SLC27A2: variants seen among roughly 807,000 people sequenced by gnomAD.
SLC27A2 encodes the protein solute carrier family 27 member 2.
SLC27A2 carries 54 observed loss-of-function variants against 60.0 expected under a neutral mutation model. The observed-to-expected ratio is 0.90, with a 90% CI of 0.72 to 1.13. The LOEUF is 1.13. Among genes scored for constraint, SLC27A2 ranks in the 50% most tolerant of loss-of-function variants. The probability of loss-of-function intolerance (pLI) is 0.00; values close to 1 mark genes in which losing one functional copy is unlikely to be tolerated. For missense variants in SLC27A2, 739 were observed against 777.6 expected (o/e 0.95, Z 0.59); for synonymous variants, 297 against 297.6 (o/e 1.00, Z 0.02).
intron 3 of SLC27A2, among the ~76,000 whole-genome samples, chr15:50,204,876 A>T (rs909081298): frequency 6.7e-6 from 1 of 148,234 alleles, no homozygotes; most frequent in African/African-American, 2.5e-5. Flanking sequence ...TATACTTGAG[A>T]CAGAGTCTCA....
chr15:50,214,805 G>A (rs1567433997), intron 4 of SLC27A2, among the ~76,000 whole-genome samples: 1 of 151,972 alleles, frequency 6.6e-6, no homozygotes, highest in Non-Finnish European at 1.5e-5. Context: ...GGCATACAAG[G>A]GACATACCTT....
At chr15:50,209,742 C>A (rs1322749269) in intron 4 of SLC27A2, among the ~76,000 whole-genome samples, 1 of 152,102 alleles carries the variant, frequency 6.6e-6, no homozygotes, top group Non-Finnish European at 1.5e-5. Flanking sequence ...GGAGCCTTGT[C>A]CAGGCAGAAG....
intron 1 of SLC27A2, among the ~76,000 whole-genome samples, chr15:50,193,644 C>T (rs1421848948): frequency 2.0e-5 from 3 of 152,184 alleles, no homozygotes; most frequent in Non-Finnish European, 4.4e-5. Context: ...TTTCATCTTA[C>T]ATTATGTTTC....
chr15:50,234,008 CTTA>C lies in SLC27A2; in HGVS notation c.1686+15_1686+17del, dbSNP rs763341776. 1.1e-5 allele frequency: 18 copies of C among 1,598,292 alleles called. No homozygotes were observed. The highest frequency in any genetic ancestry group is 1.7e-5 in the Admixed American group (1 of 57,436). On this transcript the variant is annotated intron_variant, in intron 9 of 9. Transcript: ENST00000267842. ...GTTTCTAAGAATACAGGTGAGATCTCTTATTATCCAGTTCAATGATCTGTCCTC... is the reference window on the plus strand; with the variant it reads ...GTTTCTAAGAATACAGGTGAGATCTCTTATCCAGTTCAATGATCTGTCCTC...
chr15:50,226,834 T>C, intron 6 of SLC27A2, 146 bp from the exon 7 acceptor site: 1 of 624,262 alleles, frequency 1.6e-6, no homozygotes, highest in Non-Finnish European at 2.8e-6. Flanking sequence ...TATGTACATA[T>C]AATTCACAGG....
rs577766814 is a variant in SLC27A2, at chr15:50,183,994, C to CTTTTTTTTTTTTTTTTTTT, written c.478+1107_478+1108insTTTTTTTTTTTTTTTTTTT. 7.7e-4 allele frequency among the ~76,000 whole-genome samples: 70 copies of CTTTTTTTTTTTTTTTTTTT among 91,168 alleles called. 6 individuals carry two copies. Among genetic ancestry groups the CTTTTTTTTTTTTTTTTTTT allele is most frequent in the Non-Finnish European group, 1.1e-3 (51 of 47,466 alleles). The allele number at this position is 91,168 out of a possible 152,430, so 59.8% of individuals were successfully genotyped here. On this transcript the variant is annotated intron_variant, in intron 1 of 9. Transcript: ENST00000267842. Reference sequence around the variant, plus strand: ...TTCGAAGCCATGCTCTTTCCTACATCTTTTTTTTTTTTTTTTTTGACAGTC... The same window carrying CTTTTTTTTTTTTTTTTTTT: ...TTCGAAGCCATGCTCTTTCCTACATCTTTTTTTTTTTTTTTTTTTTTTTTTTTTTTTTTTTTTGACAGTC...
At chr15:50,209,855 T>G (rs1018596654) in intron 4 of SLC27A2, among the ~76,000 whole-genome samples, 1 of 152,072 alleles carries the variant, frequency 6.6e-6, no homozygotes, top group Admixed American at 6.6e-5. Flanking sequence ...AACAAGGCGA[T>G]GAGAAAAACA....
intron 1 of SLC27A2, among the ~76,000 whole-genome samples, chr15:50,186,138 G>T (rs1372285374): frequency 6.6e-6 from 1 of 152,074 alleles, no homozygotes; most frequent in South Asian, 2.1e-4. Flanking sequence ...CAGTTACTGG[G>T]GAGGCTGAGG....
At chr15:50,219,111 A>C (rs75712840) in intron 4 of SLC27A2, among the ~76,000 whole-genome samples, 1,660 of 152,374 alleles carry the variant, frequency 0.011, 39 homozygotes, top group African/African-American at 0.038. Context: ...ATATTGGTTT[A>C]ACCAAAAATT....
intron 2 of SLC27A2, 83 bp from the exon 3 acceptor site, chr15:50,202,404 A>T (rs2045071966): frequency 1.4e-6 from 2 of 1,409,650 alleles, no homozygotes; most frequent in Non-Finnish European, 9.9e-7. Flanking sequence ...CAGGGTGATG[A>T]ATCTTCCTAA....
chr15:50,197,721 G>A lies in SLC27A2; in HGVS notation c.688+12G>A. ...TTCTGGAACCACAGGTAAAAATAAAGGGGGGATTCTCCAAAAAAATTAATC... is the reference window on the plus strand; with the variant it reads ...TTCTGGAACCACAGGTAAAAATAAAAGGGGGATTCTCCAAAAAAATTAATC... On this transcript the variant is annotated intron_variant, in intron 2 of 9. Coordinates refer to ENST00000267842, the MANE Select transcript of SLC27A2 (RefSeq NM_003645.4). 1 of 1,590,762 alleles carries A rather than the reference G, an allele frequency of 6.3e-7. No individual in the cohort carries two copies. Among genetic ancestry groups the A allele is most frequent in the Non-Finnish European group, 8.6e-7 (1 of 1,160,334 alleles).
At chr15:50,211,052 C>T (rs1451212593) in intron 4 of SLC27A2, among the ~76,000 whole-genome samples, 4 of 152,242 alleles carry the variant, frequency 2.6e-5, no homozygotes, top group African/African-American at 9.6e-5. Flanking sequence ...CCCTATCCAC[C>T]TTGGTATCAG....
intron 4 of SLC27A2, among the ~76,000 whole-genome samples, chr15:50,219,351 G>T (rs2045227039): frequency 6.6e-6 from 1 of 152,176 alleles, no homozygotes; most frequent in Non-Finnish European, 1.5e-5. Flanking sequence ...ATACAGCATT[G>T]TTCACTTAAG....
At chr15:50,214,098 A>G (rs879806665) in intron 4 of SLC27A2, among the ~76,000 whole-genome samples, 2 of 152,154 alleles carry the variant, frequency 1.3e-5, no homozygotes. Context: ...AAAAAATCCA[A>G]ATAACCTCAC....
chr15:50,182,792 T>G lies in SLC27A2; in HGVS notation c.365T>G (p.Leu122Arg). 1 of 1,613,814 alleles carries G rather than the reference T, an allele frequency of 6.2e-7. No individual in the cohort carries two copies. The highest frequency in any genetic ancestry group is 8.5e-7 in the Non-Finnish European group (1 of 1,179,970). The change falls in exon 1 of 10, where the codon CTG becomes CGG. Residue 122 changes from leucine to arginine, a missense_variant. Physicochemically the swap from Leu to Arg is moderately radical, Grantham distance 102. Transcript: ENST00000267842. ...GAGCCGGCCTACGTGTGGCTGTGGC[T>G]GGGGCTGGTGAAGCTGGGCTGTGCC... Reference protein sequence around the residue: ...GNEPAYVWLWLGLVKLGCAMA... With the variant: ...GNEPAYVWLWRGLVKLGCAMA...
At chr15:50,224,427 G>A (rs887617332) in intron 5 of SLC27A2, among the ~76,000 whole-genome samples, 2 of 152,162 alleles carry the variant, frequency 1.3e-5, no homozygotes, top group South Asian at 2.1e-4. Context: ...GCAACAGAGC[G>A]AAACTCCATC....
Position 50,233,919 on chromosome 15 carries a change from A to G in SLC27A2, c.1607A>G (p.Glu536Gly). The change falls in exon 9 of 10, where the codon GAA becomes GGA. Residue 536 changes from glutamate (E) to glycine (G), a missense_variant. By Grantham distance (98) the Glu-to-Gly change is moderately conservative. Coordinates refer to ENST00000267842, the MANE Select transcript of SLC27A2 (RefSeq NM_003645.4). Reference protein sequence around the residue: ...MASIKMKENHEFDGKKLFQHI... With the variant: ...MASIKMKENHGFDGKKLFQHI... ...TCCATCAAAATGAAAGAAAACCATGAATTTGATGGAAAGAAACTCTTTCAG... is the reference window on the plus strand; with the variant it reads ...TCCATCAAAATGAAAGAAAACCATGGATTTGATGGAAAGAAACTCTTTCAG... 6.2e-7 allele frequency: 1 copy of G among 1,613,912 alleles called. No individual in the cohort carries two copies. The highest frequency in any genetic ancestry group is 1.6e-4 in the Middle Eastern group (1 of 6,062).
rs571479326 is a variant in SLC27A2, at chr15:50,217,555, G to A, written c.973-5410G>A. Among the ~76,000 whole-genome samples the A allele has an allele frequency of 1.2e-4, 18 of 152,208 alleles. No homozygotes were observed. In the East Asian group the frequency reaches 2.3e-3, roughly 20 times the overall value. Reference sequence around the variant, plus strand: ...TTCTTAGGAAGAACTAAACTTTCCCGGAAAAGACATTGGACATGGGCTCAC... The same window carrying A: ...TTCTTAGGAAGAACTAAACTTTCCCAGAAAAGACATTGGACATGGGCTCAC... On this transcript the variant is annotated intron_variant, in intron 4 of 9. Transcript: ENST00000267842.
At chr15:50,203,414 T>C (rs2045082011) in intron 3 of SLC27A2, among the ~76,000 whole-genome samples, 1 of 152,156 alleles carries the variant, frequency 6.6e-6, no homozygotes, top group Non-Finnish European at 1.5e-5. Flanking sequence ...CTCTTCTGTT[T>C]CCTTCTCAGA....
Sources: allele counts gnomAD v4.1 joint callset (sites outside exome capture counted in the v4.1 genomes callset), GRCh38; gene constraint gnomAD v4.1.1; transcripts MANE v1.5; gene names NCBI Gene and HGNC (gene_info 2026-07-23, HGNC 2026-07-21).